Variants in PDXDC1 observed in about 807,000 individuals in gnomAD.
PDXDC1 encodes the protein pyridoxal-dependent decarboxylase domain-containing protein 1.
In PDXDC1, 42 loss-of-function variants were observed where a neutral mutation model predicts 100.1. That is an observed-to-expected ratio of 0.42 (90% CI 0.33 to 0.54). The LOEUF (loss-of-function observed/expected upper bound fraction) is 0.54. Ranked by LOEUF, PDXDC1 falls within the 20% of genes least tolerant of loss-of-function variation. The pLI, the probability that PDXDC1 is intolerant of heterozygous loss-of-function variation, is 0.10. For missense variants in PDXDC1, 636 were observed against 979.2 expected (o/e 0.65, Z 4.68); for synonymous variants, 260 against 371.7 (o/e 0.70, Z 3.46).
rs113527217 is a variant in PDXDC1, at chr16:15,095,861, G to GGTGTGTGT, written c.1400-42993_1400-42986dup. Among the ~76,000 whole-genome samples, 221 of 134,400 alleles carry GGTGTGTGT rather than the reference G, an allele frequency of 1.6e-3. 1 individual carries two copies. Among genetic ancestry groups the GGTGTGTGT allele is most frequent in the South Asian group, 2.9e-3 (12 of 4,096 alleles). 88.2% of individuals were successfully genotyped at this position (134,400 alleles called of 152,430 possible). The stretch of plus-strand genomic sequence containing the variant: ...GAAACTGTGTCTCAAAAAAAAAAAA[G>GGTGTGTGT]GTGTGTGTGTGTGTGTGTGTGTGTG... On this transcript the variant is annotated intron_variant, in intron 16 of 16. Coordinates refer to the PDXDC1 transcript ENST00000535621.
intron 16 of PDXDC1, chr16:15,127,152 T>C: frequency 1.1e-5 from 4 of 373,226 alleles, no homozygotes; most frequent in South Asian, 8.4e-5. Context: ...GTACTGAGAT[T>C]TTCTTCTGGA....
downstream of PDXDC1, among the ~76,000 whole-genome samples, chr16:15,039,193 T>G (rs1303790268): frequency 1.3e-5 from 2 of 152,222 alleles, no homozygotes; most frequent in Non-Finnish European, 2.9e-5. Context: ...CAGCCTCAGC[T>G]TACCTAGCAA....
At chr16:14,984,714 C>T (rs1450746255) in intron 1 of PDXDC1, among the ~76,000 whole-genome samples, 6 of 152,012 alleles carry the variant, frequency 3.9e-5, no homozygotes, top group African/African-American at 1.4e-4. Context: ...ACAGGCTGGT[C>T]TCAAACTCCT....
At position 15,035,502 on chromosome 16, in the gene PDXDC1, G is replaced by C; in HGVS notation, c.2056G>C (p.Val686Leu). The change falls in exon 22 of 23, where the codon GTC becomes CTC. Residue 686 changes from valine (V) to leucine (L), a missense_variant. Physicochemically the swap from Val to Leu is conservative, Grantham distance 32 (BLOSUM62 1). Transcript: ENST00000396410. ...TGTCTACAAAGCACAAGGTGCAGGA[G>C]TCACGCTGCCTCCAACGCCCTCGGG... Reference protein sequence around the residue: ...IYVYKAQGAGVTLPPTPSGSR... With the variant: ...IYVYKAQGAGLTLPPTPSGSR... 6.2e-7 allele frequency: 1 copy of C among 1,612,846 alleles called. No homozygotes were observed. Among genetic ancestry groups the C allele is most frequent in the African/African-American group, 1.3e-5 (1 of 75,012 alleles).
At chr16:15,075,398 C>T (rs974533025) in intron 16 of PDXDC1, among the ~76,000 whole-genome samples, 1 of 152,048 alleles carries the variant, frequency 6.6e-6, no homozygotes, top group African/African-American at 2.4e-5. Flanking sequence ...CACAGTGAGA[C>T]CTGTCTCTAC....
intron 16 of PDXDC1, chr16:15,133,123 G>A (rs1166408797): frequency 1.1e-5 from 7 of 660,418 alleles, no homozygotes; most frequent in South Asian, 5.4e-5. Flanking sequence ...GGAGCGGAAC[G>A]TCGGGGTGCT....
chr16:14,985,818 C>T (rs1022169101), intron 1 of PDXDC1, among the ~76,000 whole-genome samples: 1 of 152,284 alleles, frequency 6.6e-6, no homozygotes, highest in African/African-American at 2.4e-5. Context: ...GATTCTTGGC[C>T]AGGCACTGTG....
intron 13 of PDXDC1, chr16:15,026,314 G>C: frequency 4.9e-6 from 2 of 405,116 alleles, no homozygotes; most frequent in Non-Finnish European, 8.4e-6. Context: ...TCCGCACTGA[G>C]TCTAGTTTCA....
intron 16 of PDXDC1, among the ~76,000 whole-genome samples, chr16:15,055,411 G>A (rs1382258681): frequency 6.6e-6 from 1 of 152,182 alleles, no homozygotes; most frequent in African/African-American, 2.4e-5. Flanking sequence ...GAAGGACTGG[G>A]GGTCCCCGCC....
intron 3 of PDXDC1, 106 bp from the exon 4 acceptor site, chr16:15,001,670 G>GA (rs1422950064): frequency 0.036 from 28,144 of 778,804 alleles, no homozygotes; most frequent in South Asian, 0.054. Flanking sequence ...GCTTAAGAAA[G>GA]AAAAAAAAAA....
intron 13 of PDXDC1, chr16:15,025,177 A>G (rs1201477431): frequency 2.0e-5 from 3 of 152,338 alleles, no homozygotes; most frequent in Non-Finnish European, 2.9e-5. Context: ...CACTCAGTCT[A>G]TCACGTTACT....
intron 16 of PDXDC1, chr16:15,094,340 C>T: frequency 9.4e-7 from 1 of 1,065,816 alleles, no homozygotes; most frequent in Non-Finnish European, 1.4e-6. Flanking sequence ...TTCAGCCAAT[C>T]AGCGGCCCCG....
In PDXDC1 at chr16:14,998,386, C is replaced by G. The variant is rs1228954465; in HGVS notation, c.142C>G (p.Pro48Ala). Reference protein sequence around the residue: ...NGKKLISGDIPGPLQGSGQDM... With the variant: ...NGKKLISGDIAGPLQGSGQDM... ...AAAGAAGCTCATATCCGGAGATATTCCAGGCCCACTCCAGGGCAGGTAGGT... is the reference window on the plus strand; with the variant it reads ...AAAGAAGCTCATATCCGGAGATATTGCAGGCCCACTCCAGGGCAGGTAGGT... The change falls in exon 3 of 23, where the codon CCA (proline) becomes GCA (alanine). Residue 48 changes from proline (P) to alanine (A), a missense_variant. Around this residue, in one of 4 missense-constraint regions of PDXDC1, gnomAD observed 125 missense variants for 479.9 expected, o/e 0.26. Transcript: ENST00000396410. The G allele has an allele frequency of 1.2e-6, 2 of 1,613,222 alleles. No homozygotes were observed. The highest frequency in any genetic ancestry group is 1.7e-6 in the Non-Finnish European group (2 of 1,179,784).
chr16:15,135,940 G>C (rs1398149658), intron 16 of PDXDC1: 2 of 1,575,388 alleles, frequency 1.3e-6, no homozygotes, highest in African/African-American at 1.3e-5. Context: ...TCACGTCCAC[G>C]CCGGGCAGGG....
intron 16 of PDXDC1, chr16:15,047,346 T>G: frequency 1.2e-6 from 1 of 808,568 alleles, no homozygotes; most frequent in Non-Finnish European, 2.2e-6. Context: ...ACGGCAGTGG[T>G]GGCATCCTGT....
At chr16:15,129,514 G>A (rs2047938548) in intron 16 of PDXDC1, among the ~76,000 whole-genome samples, 1 of 152,250 alleles carries the variant, frequency 6.6e-6, no homozygotes, top group African/African-American at 2.4e-5. Flanking sequence ...AGGTATTGAA[G>A]AAACAGCCAC....
Position 15,037,506 on chromosome 16 carries a change from A to G in PDXDC1, c.*1231A>G, listed in dbSNP as rs760339070. 6.6e-6 allele frequency: 1 copy of G among 152,526 alleles called. No individual in the cohort carries two copies. Among genetic ancestry groups the G allele is most frequent in the Non-Finnish European group, 1.5e-5 (1 of 68,330 alleles). 9.4% of individuals were successfully genotyped at this position (152,526 alleles called of 1,614,324 possible). On this transcript the variant is annotated 3_prime_UTR_variant, in exon 23 of 23. Coordinates refer to ENST00000396410, the MANE Select transcript of PDXDC1 (RefSeq NM_015027.4). ...TTTTTTTTGGTGCAGATGATTAAAC[A>G]GTCTTCCCTATTTGGTGCAATGAAG...
rs780459128 is a variant in PDXDC1 at position 15,035,444 on chromosome 16, C to T, written c.2003-5C>T. On this transcript the variant is annotated splice_polypyrimidine_tract_variant and splice_region_variant and intron_variant, in intron 21 of 22. Transcript: ENST00000396410. Reference sequence around the variant, plus strand: ...GCTTCTACCCAGCCCTCTCCTCTCCCGCAGGCTCTCTGGAGTCCACAGAAC... The same window carrying T: ...GCTTCTACCCAGCCCTCTCCTCTCCTGCAGGCTCTCTGGAGTCCACAGAAC... The T allele has an allele frequency of 2.4e-5, 38 of 1,589,560 alleles. 1 individual carries two copies. The highest frequency in any genetic ancestry group is 1.5e-4 in the African/African-American group (11 of 73,840).
At chr16:15,007,182 T>C (rs1467786017) in intron 6 of PDXDC1, among the ~76,000 whole-genome samples, 2 of 149,306 alleles carry the variant, frequency 1.3e-5, no homozygotes, top group East Asian at 4.1e-4. Flanking sequence ...TTTTTTTTTT[T>C]TTTTTTGAGA....
Sources: gnomAD v4.1 joint callset for allele counts (sites outside exome capture counted in the v4.1 genomes callset) on GRCh38, gnomAD v4.1.1 for gene constraint, gnomAD v4.1.1 regional missense constraint, MANE v1.5 for transcripts, NCBI Gene and HGNC (gene_info 2026-07-23, HGNC 2026-07-21) for gene names.